MGST1: variants seen among roughly 807,000 people sequenced by gnomAD.
MGST1 encodes the protein glutathione S-transferase 12.
Under a neutral mutation model 8.9 loss-of-function variants are expected in MGST1, and 5 were observed. The observed-to-expected ratio is 0.56, with a 90% CI of 0.29 to 1.19. The LOEUF is 1.19. Ranked by LOEUF, MGST1 falls within the 50% of genes most tolerant of loss-of-function variation. The pLI, the probability that MGST1 is intolerant of heterozygous loss-of-function variation, is 0.08. For synonymous variants in MGST1, 54 were observed against 67.8 expected, an observed-to-expected ratio of 0.80 and a Z score of 1.00; for missense variants, 182 against 187.4, an observed-to-expected ratio of 0.97 and a Z score of 0.17.
intron 4 of MGST1, among the ~76,000 whole-genome samples, chr12:16,527,727 A>G (rs1052138477): frequency 6.6e-6 from 1 of 152,014 alleles, no homozygotes; most frequent in Non-Finnish European, 1.5e-5. Context: ...ATAATAAGTC[A>G]TCAGGAAGCC....
intron 4 of MGST1, among the ~76,000 whole-genome samples, chr12:16,483,375 A>T (rs1261671570): frequency 3.3e-5 from 5 of 152,004 alleles, no homozygotes; most frequent in Non-Finnish European, 7.4e-5. Flanking sequence ...CTCTAAAAAC[A>T]TATATATTAA....
At chr12:16,374,609 T>G (rs1041940897) in intron 3 of MGST1, among the ~76,000 whole-genome samples, 1 of 152,152 alleles carries the variant, frequency 6.6e-6, no homozygotes, top group African/African-American at 2.4e-5. Context: ...TACCCCAAAG[T>G]TACACTAGAT....
intron 1 of MGST1, among the ~76,000 whole-genome samples, chr12:16,418,774 G>A (rs980806723): frequency 2.0e-5 from 3 of 152,024 alleles, no homozygotes; most frequent in Non-Finnish European, 4.4e-5. Context: ...TCTTACACTT[G>A]GGAATAAATA....
chr12:16,485,819 A>T lies in MGST1; in HGVS notation n.482+102215A>T, dbSNP rs1235334326. Among the ~76,000 whole-genome samples, 5 of 152,218 alleles carry T rather than the reference A, an allele frequency of 3.3e-5. No homozygotes were observed. In the East Asian group the frequency reaches 9.6e-4, roughly 29 times the overall value. ...ACATTAGTCAAAAGGAAAATCTAAAAATTTTTGTACTAAGCATTCAATTCA... is the reference window on the plus strand; with the variant it reads ...ACATTAGTCAAAAGGAAAATCTAAATATTTTTGTACTAAGCATTCAATTCA... On this transcript the variant is annotated intron_variant and non_coding_transcript_variant, in intron 4 of 4. Coordinates refer to the MGST1 transcript ENST00000538857.
intron 1 of MGST1, among the ~76,000 whole-genome samples, chr12:16,427,532 C>G (rs1180095655): frequency 1.3e-5 from 2 of 152,060 alleles, no homozygotes; most frequent in Non-Finnish European, 2.9e-5. Context: ...ACAGGGTGTG[C>G]TACCATGCCC....
intron 4 of MGST1, among the ~76,000 whole-genome samples, chr12:16,575,053 C>T (rs910609354): frequency 1.3e-5 from 2 of 152,052 alleles, no homozygotes; most frequent in Admixed American, 6.5e-5. Flanking sequence ...AAGGTGTTTT[C>T]GTTTGTTTAT....
intron 1 of MGST1, among the ~76,000 whole-genome samples, chr12:16,348,457 T>A (rs1443591929): frequency 6.6e-6 from 1 of 152,176 alleles, no homozygotes; most frequent in Non-Finnish European, 1.5e-5. Context: ...TTGCTCTAGC[T>A]GGCTTGGGAC....
chr12:16,356,047 ACT>A (rs899346564), intron 2 of MGST1, among the ~76,000 whole-genome samples: 9 of 151,804 alleles, frequency 5.9e-5, no homozygotes, highest in African/African-American at 2.2e-4. Flanking sequence ...AAGGAAGCAA[ACT>A]CTCTCCTTTC....
At chr12:16,456,105 A>T (rs1231819231) in intron 4 of MGST1, among the ~76,000 whole-genome samples, 1 of 151,836 alleles carries the variant, frequency 6.6e-6, no homozygotes, top group Admixed American at 6.6e-5. Flanking sequence ...TTTCTGTTAT[A>T]TGCCTGATAT....
chr12:16,400,354 A>G, intron 1 of MGST1: 1 of 815,768 alleles, frequency 1.2e-6, no homozygotes. Flanking sequence ...GTCTCCTCGA[A>G]CAGATATGAA....
downstream of MGST1, among the ~76,000 whole-genome samples, chr12:16,365,200 A>G (rs950008587): frequency 6.6e-6 from 1 of 152,172 alleles, no homozygotes; most frequent in Admixed American, 6.5e-5. Context: ...CTTTCACTTA[A>G]TAGATTTAGC....
intron 1 of MGST1, among the ~76,000 whole-genome samples, chr12:16,399,022 A>G (rs1169998258): frequency 2.6e-5 from 4 of 152,104 alleles, no homozygotes; most frequent in Non-Finnish European, 5.9e-5. Flanking sequence ...AACAATATTT[A>G]TTAACAGCAA....
chr12:16,382,388 T>G (rs1475938349), upstream of MGST1, among the ~76,000 whole-genome samples: 1 of 152,156 alleles, frequency 6.6e-6, no homozygotes, highest in Admixed American at 6.5e-5. Flanking sequence ...TCTGTTGGAG[T>G]TTGCTGGAGG....
chr12:16,357,787 G>A, intron 3 of MGST1, 88 bp downstream of exon 3: 1 of 1,055,388 alleles, frequency 9.5e-7, no homozygotes, highest in Admixed American at 2.6e-5. Flanking sequence ...CTTGGAGACT[G>A]AGGAAAAAAA....
Position 16,550,310 on chromosome 12 carries a change from A to T in MGST1, n.483-39218A>T, listed in dbSNP as rs563183249. ...AGAAGAAGTTTAATTTATCACTTAAAAATCATCTCATAATTGTGGTAACAG... is the reference window on the plus strand; with the variant it reads ...AGAAGAAGTTTAATTTATCACTTAATAATCATCTCATAATTGTGGTAACAG... On this transcript the variant is annotated intron_variant and non_coding_transcript_variant, in intron 4 of 4. Transcript: ENST00000538857. The T allele has an allele frequency of 4.6e-5, 7 of 152,616 alleles. No homozygotes were observed. The South Asian group carries it at 1.4e-3, about 32-fold the overall frequency. The allele number at this position is 152,616 out of a possible 1,614,324, so 9.5% of individuals were successfully genotyped here.
chr12:16,374,917 G>C (rs1207438186), intron 3 of MGST1, among the ~76,000 whole-genome samples: 1 of 152,152 alleles, frequency 6.6e-6, no homozygotes, highest in South Asian at 2.1e-4. Context: ...GTCTCACTCT[G>C]TTGCCCATGC....
At chr12:16,562,198 C>A (rs370574105) in intron 4 of MGST1, among the ~76,000 whole-genome samples, 63 of 152,226 alleles carry the variant, frequency 4.1e-4, no homozygotes, top group African/African-American at 1.5e-3. Context: ...TTTTTTAGTT[C>A]ATTCTAACAT....
chr12:16,360,987 C>CT, intron 3 of MGST1, among the ~76,000 whole-genome samples: 1 of 151,676 alleles, frequency 6.6e-6, no homozygotes, highest in South Asian at 2.1e-4. Flanking sequence ...TGTTCCCCCC[C>CT]TCCCCGCCCC....
intron 4 of MGST1, chr12:16,550,073 C>T (rs1292853004): frequency 6.6e-6 from 1 of 151,934 alleles, no homozygotes; most frequent in African/African-American, 2.4e-5. Context: ...TTTTATCAAT[C>T]CCTTTGTTTC....
Sources: allele counts gnomAD v4.1 joint callset (sites outside exome capture counted in the v4.1 genomes callset), GRCh38; gene constraint gnomAD v4.1.1; transcripts MANE v1.5; gene names NCBI Gene and HGNC (gene_info 2026-07-23, HGNC 2026-07-21).